Variants in ZPBP observed in about 807,000 individuals in gnomAD.
The protein encoded by ZPBP is zona pellucida binding protein.
In ZPBP, 26 loss-of-function variants were observed where a neutral mutation model predicts 44.8. The observed-to-expected ratio is 0.58, with a 90% CI of 0.43 to 0.81. The LOEUF is 0.81. Among genes scored for constraint, ZPBP ranks in the 30% least tolerant of loss-of-function variants. The probability of loss-of-function intolerance (pLI) is 0.00; values close to 1 mark genes in which losing one functional copy is unlikely to be tolerated. For missense variants in ZPBP, 409 were observed against 434.0 expected, an observed-to-expected ratio of 0.94 and a Z score of 0.51; for synonymous variants, 174 against 153.2, an observed-to-expected ratio of 1.14 and a Z score of -1.00.
At chr7:50,035,108 T>C (rs1799772613) in intron 4 of ZPBP, among the ~76,000 whole-genome samples, 1 of 152,206 alleles carries the variant, frequency 6.6e-6, no homozygotes, top group South Asian at 2.1e-4. Context: ...CATCCCACAT[T>C]TTCTAATCTT....
At chr7:49,984,239 CA>C (rs1448804407) in intron 6 of ZPBP, among the ~76,000 whole-genome samples, 1 of 152,168 alleles carries the variant, frequency 6.6e-6, no homozygotes, top group African/African-American at 2.4e-5. Context: ...ACTAATGGTG[CA>C]CCTCATGTCT....
At chr7:50,073,670 T>G (rs182615341) in intron 3 of ZPBP, among the ~76,000 whole-genome samples, 2 of 152,022 alleles carry the variant, frequency 1.3e-5, no homozygotes, top group Non-Finnish European at 2.9e-5. Context: ...AAAAAACAAA[T>G]AACATACAAT....
chr7:49,846,676 A>G (rs545999464), downstream of ZPBP, among the ~76,000 whole-genome samples: 12 of 152,316 alleles, frequency 7.9e-5, no homozygotes, highest in African/African-American at 2.9e-4. Context: ...AGACGTTTTC[A>G]TCACAGTATC....
intron 6 of ZPBP, among the ~76,000 whole-genome samples, chr7:50,002,452 G>A (rs751585213): frequency 3.9e-5 from 6 of 152,026 alleles, no homozygotes; most frequent in Non-Finnish European, 5.9e-5. Flanking sequence ...GAACTCCTGG[G>A]CTCTAGCGAC....
chr7:49,924,046 C>T (rs911079809), intron 1 of ZPBP, among the ~76,000 whole-genome samples: 8 of 152,006 alleles, frequency 5.3e-5, no homozygotes, highest in African/African-American at 9.7e-5. Flanking sequence ...TCACTTAAAC[C>T]GGGGAGGCGG....
chr7:50,014,842 C>T (rs1328875047), intron 6 of ZPBP, among the ~76,000 whole-genome samples: 1 of 151,954 alleles, frequency 6.6e-6, no homozygotes, highest in Non-Finnish European at 1.5e-5. Context: ...GTAAATTTGG[C>T]CTTACTGTAG....
At chr7:49,877,474 AAAAAAAAATATATAT>A (rs1562747566) in intron 2 of ZPBP, among the ~76,000 whole-genome samples, 2 of 46,300 alleles carry the variant, frequency 4.3e-5, no homozygotes, top group African/African-American at 2.1e-4. Flanking sequence ...AAAAAAAAAA[AAAAAAAAATATATAT>A]ATATATATAT....
intron 7 of ZPBP, among the ~76,000 whole-genome samples, chr7:49,979,182 C>T (rs989566928): frequency 1.7e-4 from 26 of 151,920 alleles, no homozygotes; most frequent in African/African-American, 6.0e-4. Flanking sequence ...AAAGTAACTT[C>T]CTCAAGACTC....
chr7:50,050,526 T>C (rs981301102), intron 4 of ZPBP, among the ~76,000 whole-genome samples: 1 of 151,906 alleles, frequency 6.6e-6, no homozygotes, highest in African/African-American at 2.4e-5. Context: ...GGAAATAATA[T>C]TGAAGCAACT....
At chr7:50,061,785 A>T (rs557573800) in intron 3 of ZPBP, among the ~76,000 whole-genome samples, 1 of 152,264 alleles carries the variant, frequency 6.6e-6, no homozygotes, top group East Asian at 1.9e-4. Flanking sequence ...CACAGATAAG[A>T]CAGGAAGCTG....
At chr7:49,884,061 A>G (rs1434437513) in intron 2 of ZPBP, among the ~76,000 whole-genome samples, 1 of 152,212 alleles carries the variant, frequency 6.6e-6, no homozygotes, top group Non-Finnish European at 1.5e-5. Flanking sequence ...GGGGCATCAC[A>G]CACTTCAAGA....
At chr7:49,968,934 A>T (rs572800906) in intron 7 of ZPBP, among the ~76,000 whole-genome samples, 1 of 152,026 alleles carries the variant, frequency 6.6e-6, no homozygotes, top group South Asian at 2.1e-4. Context: ...TGAATAAAAG[A>T]GCTAGTCACA....
At chr7:49,953,137 A>T (rs1264055137) in intron 7 of ZPBP, among the ~76,000 whole-genome samples, 1 of 152,098 alleles carries the variant, frequency 6.6e-6, no homozygotes, top group Non-Finnish European at 1.5e-5. Flanking sequence ...TGTTACAGGG[A>T]ACTAAGGTGG....
chr7:50,078,521 C>A (rs1238873427), intron 3 of ZPBP, among the ~76,000 whole-genome samples: 3 of 150,880 alleles, frequency 2.0e-5, no homozygotes, highest in Non-Finnish European at 4.5e-5. Context: ...CATATATACA[C>A]CTACTATGTA....
intron 2 of ZPBP, among the ~76,000 whole-genome samples, chr7:49,899,113 A>T (rs564089368): frequency 6.6e-6 from 1 of 152,060 alleles, no homozygotes; most frequent in Non-Finnish European, 1.5e-5. Context: ...AGACACATAG[A>T]CTATCCCCCC....
intron 1 of ZPBP, among the ~76,000 whole-genome samples, chr7:50,091,041 G>C (rs1311853212): frequency 6.6e-6 from 1 of 151,646 alleles, no homozygotes; most frequent in African/African-American, 2.4e-5. Context: ...TTGTGGTTTT[G>C]ATTTGCATTT....
At chr7:50,072,657 G>C (rs1317729998) in intron 3 of ZPBP, among the ~76,000 whole-genome samples, 1 of 152,244 alleles carries the variant, frequency 6.6e-6, no homozygotes, top group African/African-American at 2.4e-5. Flanking sequence ...TATGTTTTGG[G>C]AGAAAGTAAG....
chr7:50,077,901 A>T (rs989453609), intron 3 of ZPBP, among the ~76,000 whole-genome samples: 3 of 151,862 alleles, frequency 2.0e-5, no homozygotes, highest in African/African-American at 2.4e-5. Context: ...GTACATACCC[A>T]CAAGAAAGGA....
rs751218122 is a variant in ZPBP at position 49,877,210 on chromosome 7, C to G, written n.509+23908G>C. Reference sequence around the variant, plus strand: ...GGCGTAATGGCTCATGCCTGTAATCCCAGCACTTTGGGAGGCCGAAGCAGG... The same window carrying G: ...GGCGTAATGGCTCATGCCTGTAATCGCAGCACTTTGGGAGGCCGAAGCAGG... On this transcript the variant is annotated intron_variant and non_coding_transcript_variant, in intron 2 of 2. Transcript: ENST00000465922. 3.0e-4 allele frequency among the ~76,000 whole-genome samples: 45 copies of G among 151,586 alleles called. 1 individual carries two copies. Among genetic ancestry groups the G allele is most frequent in the Non-Finnish European group, 6.2e-4 (42 of 67,918 alleles).
Sources: gnomAD v4.1 joint callset for allele counts (sites outside exome capture counted in the v4.1 genomes callset) on GRCh38, gnomAD v4.1.1 for gene constraint, MANE v1.5 for transcripts, NCBI Gene and HGNC (gene_info 2026-07-23, HGNC 2026-07-21) for gene names.